Variants in CPVL observed in about 807,000 individuals in gnomAD.
CPVL encodes probable serine carboxypeptidase CPVL.
A neutral mutation model predicts 63.7 loss-of-function variants in CPVL; 51 were observed. The ratio of observed to expected loss-of-function variants is 0.80; its 90% CI spans 0.64 to 1.01. CPVL has a LOEUF of 1.01. CPVL is among the 50% of genes least tolerant of loss of function. The probability of loss-of-function intolerance (pLI) is 0.00; values close to 1 mark genes in which losing one functional copy is unlikely to be tolerated. For missense variants in CPVL, 530 were observed against 573.1 expected, an observed-to-expected ratio of 0.92 and a Z score of 0.77; for synonymous variants, 195 against 206.0, an observed-to-expected ratio of 0.95 and a Z score of 0.46.
chr7:28,998,580 A>AG (rs1784314014), intron 12 of CPVL, among the ~76,000 whole-genome samples: 1 of 152,160 alleles, frequency 6.6e-6, no homozygotes, highest in Non-Finnish European at 1.5e-5. Flanking sequence ...TGTCCCTGGA[A>AG]TACTTAGCAC....
intron 12 of CPVL, chr7:29,011,120 T>C (rs1785781640): frequency 6.6e-6 from 1 of 152,248 alleles, no homozygotes; most frequent in African/African-American, 2.4e-5. Context: ...ATCTGTCTGG[T>C]ATCACCAAAG....
At chr7:29,123,597 GAAAAAAAAAAAAAAAAAA>G (rs778757980) in intron 1 of CPVL, among the ~76,000 whole-genome samples, 1,906 of 41,016 alleles carry the variant, frequency 0.046, 19 homozygotes, top group Middle Eastern at 0.075. Flanking sequence ...AACTGGTTCA[GAAAAAAAAAAAAAAAAAA>G]AAAAAAAAAA....
At chr7:29,062,935 C>T (rs1045086692) in intron 11 of CPVL, among the ~76,000 whole-genome samples, 1 of 152,166 alleles carries the variant, frequency 6.6e-6, no homozygotes, top group South Asian at 2.1e-4. Context: ...CAGTGGTGGT[C>T]TCCCCAGTCA....
At chr7:29,065,693 T>C (rs911814067) in intron 10 of CPVL, among the ~76,000 whole-genome samples, 2 of 152,182 alleles carry the variant, frequency 1.3e-5, no homozygotes, top group Admixed American at 1.3e-4. Flanking sequence ...TAAACAGACT[T>C]GAAGCTCTGG....
At chr7:29,142,042 T>A (rs6942703) in intron 1 of CPVL, among the ~76,000 whole-genome samples, 64,699 of 152,010 alleles carry the variant, frequency 0.43, 14,022 homozygotes, top group Non-Finnish European at 0.45. Flanking sequence ...GATAAAAAAA[T>A]TTATTTAACT....
At chr7:29,117,869 G>C (rs1788934021) in intron 2 of CPVL, among the ~76,000 whole-genome samples, 1 of 152,100 alleles carries the variant, frequency 6.6e-6, no homozygotes, top group South Asian at 2.1e-4. Flanking sequence ...ACTATGCTAG[G>C]TACTAGGGAT....
At chr7:29,189,139 C>CG (rs1799085428) in intron 1 of CPVL, among the ~76,000 whole-genome samples, 1 of 151,770 alleles carries the variant, frequency 6.6e-6, no homozygotes, top group Non-Finnish European at 1.5e-5. Context: ...TTAGTAGAGA[C>CG]GGGGTTTCAC....
intron 11 of CPVL, among the ~76,000 whole-genome samples, 187 bp downstream of exon 11, chr7:29,063,874 G>C (rs1385126756): frequency 6.6e-6 from 1 of 151,456 alleles, no homozygotes. Flanking sequence ...AACGGCAAAA[G>C]TGGTTAAATT....
chr7:29,072,341 T>C lies in CPVL; in HGVS notation c.692A>G (p.Asn231Ser), dbSNP rs1375501340. The C allele has an allele frequency of 1.2e-6, 2 of 1,614,090 alleles. No homozygotes were observed. Among genetic ancestry groups the C allele is most frequent in the Non-Finnish European group, 1.7e-6 (2 of 1,179,992 alleles). Residue 231 changes from asparagine (N) to serine (S), a missense_variant, in exon 8 of 13, where the codon AAC becomes AGC. By Grantham distance (46) the Asn-to-Ser change is conservative. Transcript: ENST00000265394. The part of the protein sequence containing the change: ...NPVREVKINL[N>S]GIAIGDGYSD... ...ATATCCATCTCCAATAGCAATTCCG[T>C]TCAGGTTGATCTTCACCTCTCTCAC... is the stretch of plus-strand genomic sequence containing the variant.
chr7:29,138,429 G>A (rs1438363191), intron 1 of CPVL, among the ~76,000 whole-genome samples: 2 of 152,144 alleles, frequency 1.3e-5, no homozygotes, highest in Non-Finnish European at 2.9e-5. Flanking sequence ...AAAAGAGCGA[G>A]ACTACGTCTC....
intron 1 of CPVL, among the ~76,000 whole-genome samples, chr7:29,130,325 C>T (rs1790555198): frequency 6.6e-6 from 1 of 152,164 alleles, no homozygotes; most frequent in African/African-American, 2.4e-5. Flanking sequence ...ATATGTCTGG[C>T]ATTATGCAAG....
At chr7:29,175,561 C>T (rs1339619353) in intron 5 of CPVL, among the ~76,000 whole-genome samples, 2 of 152,138 alleles carry the variant, frequency 1.3e-5, no homozygotes, top group Non-Finnish European at 2.9e-5. Flanking sequence ...ATTCCTTGCT[C>T]TTCCACCATG....
Position 29,153,249 on chromosome 7 carries a change from A to G in CPVL, c.-11+28041T>C, listed in dbSNP as rs1161019962. Among the ~76,000 whole-genome samples, 5 of 152,324 alleles carry G rather than the reference A, an allele frequency of 3.3e-5. No individual in the cohort carries two copies. In the East Asian group the frequency reaches 7.7e-4, roughly 24 times the overall value. ...GGCCTCTGTGTGTACTCTTGCCCCA[A>G]GCCTCCAAAGAAAGAGGCAGGCTTG... On this transcript the variant is annotated intron_variant, in intron 5 of 16. Transcript: ENST00000409850.
At chr7:29,120,444 AC>A (rs1299615424) in intron 2 of CPVL, among the ~76,000 whole-genome samples, 4 of 151,292 alleles carry the variant, frequency 2.6e-5, no homozygotes, top group Admixed American at 1.3e-4. Context: ...AAACAAACAA[AC>A]AAAATATATA....
At chr7:29,068,433 G>A (rs1783357955) in intron 9 of CPVL, among the ~76,000 whole-genome samples, 2 of 152,092 alleles carry the variant, frequency 1.3e-5, no homozygotes, top group South Asian at 2.1e-4. Context: ...GGAGGTGGTA[G>A]TAAGTATTCT....
intron 1 of CPVL, among the ~76,000 whole-genome samples, chr7:29,129,118 G>A (rs1790402822): frequency 6.6e-6 from 1 of 152,166 alleles, no homozygotes; most frequent in Admixed American, 6.5e-5. Context: ...GTAGGCTTAA[G>A]GAGAATCAGG....
intron 11 of CPVL, among the ~76,000 whole-genome samples, chr7:29,063,039 T>C (rs1192634894): frequency 1.3e-5 from 2 of 152,032 alleles, no homozygotes; most frequent in Non-Finnish European, 2.9e-5. Flanking sequence ...GAGAGCGTAG[T>C]ACCAGGAAAG....
At chr7:29,063,980 A>G in intron 11 of CPVL, 81 bp downstream of exon 11, 1 of 889,452 alleles carries the variant, frequency 1.1e-6, no homozygotes, top group Non-Finnish European at 1.7e-6. Context: ...AAAAAAAAAA[A>G]GGCAGGACTC....
At chr7:29,095,723 G>A (rs904720886) in intron 4 of CPVL, among the ~76,000 whole-genome samples, 7 of 152,080 alleles carry the variant, frequency 4.6e-5, no homozygotes, top group Non-Finnish European at 8.8e-5. Flanking sequence ...CAGATAATGA[G>A]TGTGACTGAA....
Sources: allele counts gnomAD v4.1 joint callset (sites outside exome capture counted in the v4.1 genomes callset), GRCh38; gene constraint gnomAD v4.1.1; transcripts MANE v1.5; gene names NCBI Gene and HGNC (gene_info 2026-07-23, HGNC 2026-07-21).